Variants in ARHGAP15 observed in about 807,000 individuals in gnomAD.
ARHGAP15 encodes the protein rho GTPase-activating protein 15.
In ARHGAP15, 51 loss-of-function variants were observed where a neutral mutation model predicts 63.7. That is an observed-to-expected ratio of 0.80 (90% CI 0.64 to 1.01). The LOEUF (loss-of-function observed/expected upper bound fraction) is 1.01. Ranked by LOEUF, ARHGAP15 falls within the 50% of genes least tolerant of loss-of-function variation. The pLI, the probability that ARHGAP15 is intolerant of heterozygous loss-of-function variation, is 0.00. For missense variants in ARHGAP15, 560 were observed against 564.6 expected, an observed-to-expected ratio of 0.99 and a Z score of 0.08; for synonymous variants, 191 against 193.8, an observed-to-expected ratio of 0.99 and a Z score of 0.12.
intron 6 of ARHGAP15, among the ~76,000 whole-genome samples, chr2:143,306,035 GTTT>G (rs1558879930): frequency 1.3e-5 from 2 of 151,994 alleles, no homozygotes; most frequent in Non-Finnish European, 2.9e-5. Context: ...AACAAAGGTT[GTTT>G]TTTAATTTTG....
At chr2:143,685,291 G>A (rs1683282968) in intron 12 of ARHGAP15, among the ~76,000 whole-genome samples, 1 of 152,200 alleles carries the variant, frequency 6.6e-6, no homozygotes, top group South Asian at 2.1e-4. Flanking sequence ...TGATTACAGT[G>A]CAGAAGCACT....
chr2:143,352,468 C>G (rs1490488405), intron 6 of ARHGAP15, among the ~76,000 whole-genome samples: 1 of 152,086 alleles, frequency 6.6e-6, no homozygotes, highest in East Asian at 1.9e-4. Flanking sequence ...CTCTGATTAG[C>G]ATTTTTTTAG....
chr2:143,654,486 C>T (rs573401246), intron 12 of ARHGAP15, among the ~76,000 whole-genome samples: 82 of 152,116 alleles, frequency 5.4e-4, no homozygotes, highest in African/African-American at 2.0e-3. Context: ...GTGAATTTTG[C>T]AAAAAGTGAA....
chr2:143,388,873 T>C (rs986426764), intron 6 of ARHGAP15, among the ~76,000 whole-genome samples: 1 of 152,052 alleles, frequency 6.6e-6, no homozygotes, highest in African/African-American at 2.4e-5. Flanking sequence ...AGTTATGTTA[T>C]AATTAAGTAT....
At chr2:143,245,071 A>C (rs1693997829) in intron 5 of ARHGAP15, among the ~76,000 whole-genome samples, 1 of 152,194 alleles carries the variant, frequency 6.6e-6, no homozygotes, top group Non-Finnish European at 1.5e-5. Flanking sequence ...GTAATGTAGA[A>C]AATATAATTC....
At chr2:143,371,775 T>C (rs1686569041) in intron 6 of ARHGAP15, among the ~76,000 whole-genome samples, 1 of 152,314 alleles carries the variant, frequency 6.6e-6, no homozygotes, top group South Asian at 2.1e-4. Flanking sequence ...TAAGCAATCA[T>C]TTATATGTGT....
intron 8 of ARHGAP15, among the ~76,000 whole-genome samples, chr2:143,474,094 T>C (rs962338031): frequency 6.6e-6 from 1 of 152,172 alleles, no homozygotes; most frequent in African/African-American, 2.4e-5. Context: ...ATGGAAATTA[T>C]ATCCAGCAGG....
intron 6 of ARHGAP15, among the ~76,000 whole-genome samples, chr2:143,434,224 T>A (rs1689510230): frequency 6.6e-6 from 1 of 152,100 alleles, no homozygotes; most frequent in South Asian, 2.1e-4. Context: ...ATCTTTCACT[T>A]CTTATAATTG....
chr2:143,465,846 T>C (rs1445784636), intron 8 of ARHGAP15, among the ~76,000 whole-genome samples: 1 of 152,114 alleles, frequency 6.6e-6, no homozygotes, highest in Non-Finnish European at 1.5e-5. Flanking sequence ...GGTATGACAC[T>C]TTTTGCAATT....
At chr2:143,378,976 T>A (rs963080408) in intron 6 of ARHGAP15, among the ~76,000 whole-genome samples, 12 of 151,826 alleles carry the variant, frequency 7.9e-5, no homozygotes, top group African/African-American at 2.2e-4. Context: ...TTTTTAATTA[T>A]TTTTTTATTT....
At chr2:143,260,948 C>T (rs1680683353) in intron 6 of ARHGAP15, among the ~76,000 whole-genome samples, 1 of 152,116 alleles carries the variant, frequency 6.6e-6, no homozygotes, top group Admixed American at 6.5e-5. Context: ...GATTATATCC[C>T]TGTCTCTTTC....
At chr2:143,276,242 C>A (rs1469642841) in intron 6 of ARHGAP15, among the ~76,000 whole-genome samples, 1 of 152,200 alleles carries the variant, frequency 6.6e-6, no homozygotes, top group Non-Finnish European at 1.5e-5. Flanking sequence ...CTTTACCAAA[C>A]ACTCTAGTGA....
intron 11 of ARHGAP15, among the ~76,000 whole-genome samples, chr2:143,579,821 C>T (rs1696821518): frequency 6.6e-6 from 1 of 151,748 alleles, no homozygotes; most frequent in South Asian, 2.1e-4. Context: ...TTCCAGCACT[C>T]CCTGCACAGA....
At chr2:143,460,434 C>G (rs1033147803) in intron 8 of ARHGAP15, among the ~76,000 whole-genome samples, 1 of 152,110 alleles carries the variant, frequency 6.6e-6, no homozygotes, top group Admixed American at 6.5e-5. Flanking sequence ...GAATGACAGA[C>G]ATCTGGAAAA....
intron 8 of ARHGAP15, among the ~76,000 whole-genome samples, chr2:143,451,778 C>A (rs1690421826): frequency 2.0e-5 from 3 of 151,908 alleles, no homozygotes; most frequent in Non-Finnish European, 4.4e-5. Context: ...CCGGAAATGA[C>A]TAAGTGGATT....
intron 6 of ARHGAP15, among the ~76,000 whole-genome samples, chr2:143,326,915 G>T (rs1366499156): frequency 6.6e-6 from 1 of 152,010 alleles, no homozygotes; most frequent in South Asian, 2.1e-4. Context: ...TCTGGGCCAG[G>T]GTAATCAGGC....
chr2:143,395,659 T>A (rs1687724620), intron 6 of ARHGAP15, among the ~76,000 whole-genome samples: 1 of 151,966 alleles, frequency 6.6e-6, no homozygotes, highest in East Asian at 1.9e-4. Flanking sequence ...CAAGTAACCA[T>A]GCATGAGTGA....
intron 2 of ARHGAP15, among the ~76,000 whole-genome samples, chr2:143,183,953 C>T (rs184821869): frequency 5.5e-4 from 84 of 152,166 alleles, no homozygotes; most frequent in African/African-American, 2.0e-3. Context: ...CTTGAGAGCT[C>T]GTTCTTTCTC....
chr2:143,457,166 G>T (rs1446849246), intron 8 of ARHGAP15, among the ~76,000 whole-genome samples: 1 of 152,082 alleles, frequency 6.6e-6, no homozygotes, highest in East Asian at 1.9e-4. Context: ...TCATTTAACA[G>T]ATTCTGTTCA....
Sources: allele counts gnomAD v4.1 joint callset (sites outside exome capture counted in the v4.1 genomes callset), GRCh38; gene constraint gnomAD v4.1.1; transcripts MANE v1.5; gene names NCBI Gene and HGNC (gene_info 2026-07-23, HGNC 2026-07-21).